PIP5K1C: variants seen among roughly 807,000 people sequenced by gnomAD.
PIP5K1C encodes phosphatidylinositol-4-phosphate 5-kinase type 1 gamma.
In PIP5K1C, 45 loss-of-function variants were observed where a neutral mutation model predicts 80.1. The ratio of observed to expected loss-of-function variants is 0.56; its 90% CI spans 0.44 to 0.72. PIP5K1C has a LOEUF of 0.72. PIP5K1C is among the 30% of genes least tolerant of loss of function. The pLI is 0.00. For synonymous variants in PIP5K1C, 498 were observed against 420.1 expected (o/e 1.19, Z -2.27); for missense variants, 753 against 954.6 (o/e 0.79, Z 2.78).
intron 13 of PIP5K1C, 124 bp downstream of exon 13, chr19:3,643,119 C>A: frequency 6.6e-7 from 1 of 1,518,772 alleles, no homozygotes; most frequent in Middle Eastern, 2.0e-4. Context: ...AGTGTATGTA[C>A]ATCCACCGTA....
At chr19:3,673,492 G>A (rs886572245) in intron 1 of PIP5K1C, among the ~76,000 whole-genome samples, 9 of 152,236 alleles carry the variant, frequency 5.9e-5, no homozygotes, top group Non-Finnish European at 1.2e-4. Context: ...AGGGGCGGCA[G>A]TGGGACCCAG....
chr19:3,665,295 G>A (rs1429573986), intron 2 of PIP5K1C, among the ~76,000 whole-genome samples: 4 of 152,204 alleles, frequency 2.6e-5, no homozygotes, highest in Admixed American at 6.5e-5. Flanking sequence ...GCAGGGTGCT[G>A]AGCAGCATTC....
rs190170711 is a variant in PIP5K1C, at chr19:3,683,856, G to A, written c.94+16441C>T. Among the ~76,000 whole-genome samples, 464 of 148,946 alleles carry A rather than the reference G, an allele frequency of 3.1e-3. 6 individuals carry two copies. The highest frequency in any genetic ancestry group is 0.027 in the East Asian group (135 of 4,992). ...CCTGTGCAGAGCACAGCCAGCCCCC[G>A]CTTCCCCTCCCGGGCAGTCCCACAC... On this transcript the variant is annotated intron_variant, in intron 1 of 17. Transcript: ENST00000335312.
intron 3 of PIP5K1C, among the ~76,000 whole-genome samples, chr19:3,662,981 C>G (rs2034888045): frequency 6.6e-6 from 1 of 152,152 alleles, no homozygotes; most frequent in Non-Finnish European, 1.5e-5. Context: ...CCCGCCTCAG[C>G]CTCCCAAGAG....
chr19:3,640,655 C>T (rs1353736818), intron 15 of PIP5K1C, among the ~76,000 whole-genome samples: 1 of 151,312 alleles, frequency 6.6e-6, no homozygotes, highest in Non-Finnish European at 1.5e-5. Flanking sequence ...AATCCCAGTA[C>T]TTTGGGAGGC....
intron 1 of PIP5K1C, among the ~76,000 whole-genome samples, chr19:3,682,619 T>C (rs1004002586): frequency 4.6e-5 from 7 of 151,716 alleles, no homozygotes; most frequent in African/African-American, 1.5e-4. Context: ...AGCCCCAGAG[T>C]TGGAGGCTGC....
chr19:3,678,060 G>A (rs2145560327), intron 1 of PIP5K1C, among the ~76,000 whole-genome samples: 1 of 138,150 alleles, frequency 7.2e-6, no homozygotes, highest in African/African-American at 2.8e-5. Context: ...AGAATGGAGG[G>A]ATGGAGAGAT....
At chr19:3,636,297 G>T in intron 16 of PIP5K1C, 2 of 795,488 alleles carry the variant, frequency 2.5e-6, no homozygotes, top group East Asian at 1.3e-4. Context: ...CCAGAACCGG[G>T]TGACCCCAGG....
At chr19:3,653,638 C>CA in intron 6 of PIP5K1C, 49 bp from the exon 7 acceptor site, 1 of 1,548,014 alleles carries the variant, frequency 6.5e-7, no homozygotes, top group Non-Finnish European at 8.8e-7. Context: ...GCCACAGACT[C>CA]ACGGGGGCGG....
chr19:3,685,705 G>C (rs894493149), intron 1 of PIP5K1C, among the ~76,000 whole-genome samples: 1 of 151,770 alleles, frequency 6.6e-6, no homozygotes, highest in Non-Finnish European at 1.5e-5. Flanking sequence ...ACTCCAGCCT[G>C]GGTGACAGAG....
intron 5 of PIP5K1C, among the ~76,000 whole-genome samples, chr19:3,657,659 C>A (rs1256081844): frequency 6.6e-6 from 1 of 151,964 alleles, no homozygotes; most frequent in Non-Finnish European, 1.5e-5. Context: ...CACGGCGGCT[C>A]ACCCAGCACT....
intron 1 of PIP5K1C, among the ~76,000 whole-genome samples, chr19:3,689,592 T>A (rs2035881614): frequency 6.6e-6 from 1 of 152,090 alleles, no homozygotes; most frequent in Admixed American, 6.5e-5. Context: ...GAGGTTTCGG[T>A]GAGCTGAGAT....
chr19:3,667,200 G>T (rs112330067), intron 2 of PIP5K1C, 122 bp downstream of exon 2: 7 of 808,924 alleles, frequency 8.7e-6, no homozygotes, highest in African/African-American at 8.5e-5. Context: ...GTGGACACTG[G>T]ACGGCATTTG....
intron 6 of PIP5K1C, 142 bp downstream of exon 6, chr19:3,656,263 G>C (rs1016050774): frequency 1.2e-6 from 1 of 860,798 alleles, no homozygotes; most frequent in Non-Finnish European, 1.9e-6. Flanking sequence ...GGACCCCCGA[G>C]GGTGAGTCCC....
intron 1 of PIP5K1C, among the ~76,000 whole-genome samples, chr19:3,685,846 C>T (rs1469582366): frequency 6.6e-6 from 1 of 152,028 alleles, no homozygotes; most frequent in Non-Finnish European, 1.5e-5. Context: ...CCATCTGGAC[C>T]ACAAACCCTA....
chr19:3,679,252 C>T (rs1287320564), intron 1 of PIP5K1C, among the ~76,000 whole-genome samples: 1 of 152,080 alleles, frequency 6.6e-6, no homozygotes, highest in Non-Finnish European at 1.5e-5. Context: ...CAGAGGATGC[C>T]CCCAAGCTCC....
intron 11 of PIP5K1C, 90 bp from the exon 12 acceptor site, chr19:3,644,341 C>G (rs1337222340): frequency 3.6e-5 from 47 of 1,315,118 alleles, no homozygotes; most frequent in Non-Finnish European, 4.8e-5. Flanking sequence ...TACCCCACGT[C>G]CCTGTGGCCC....
chr19:3,659,355 G>A (rs934980829), intron 5 of PIP5K1C, among the ~76,000 whole-genome samples: 12 of 152,250 alleles, frequency 7.9e-5, no homozygotes, highest in African/African-American at 2.7e-4. Context: ...ACACCGGGCT[G>A]GCTCCCCAGA....
In PIP5K1C at chr19:3,639,083, C is replaced by T. The variant is rs56286406; in HGVS notation, c.1788-67G>A. 9,020 of 1,575,274 alleles carry T rather than the reference C, an allele frequency of 5.7e-3. 39 individuals carry two copies. Among genetic ancestry groups the T allele is most frequent in the Non-Finnish European group, 6.8e-3 (7,920 of 1,160,256 alleles). On this transcript the variant is annotated intron_variant, in intron 15 of 17. Coordinates refer to ENST00000335312, the MANE Select transcript of PIP5K1C (RefSeq NM_012398.3). ...CACACGGAGACTCCCCGCGCCCCCA[C>T]TCAGGACCCAGGCAGGGGCTTCATA...
Sources: gnomAD v4.1 joint callset for allele counts (sites outside exome capture counted in the v4.1 genomes callset) on GRCh38, gnomAD v4.1.1 for gene constraint, MANE v1.5 for transcripts, NCBI Gene and HGNC (gene_info 2026-07-23, HGNC 2026-07-21) for gene names.